Variants in DPYSL3 observed in about 807,000 individuals in gnomAD.
DPYSL3 encodes dihydropyrimidinase like 3, also known as dihydropyrimidinase-related protein 3.
A neutral mutation model predicts 66.1 loss-of-function variants in DPYSL3; 16 were observed. The ratio of observed to expected loss-of-function variants is 0.24; its 90% confidence interval spans 0.16 to 0.37. The LOEUF (loss-of-function observed/expected upper bound fraction) is 0.37. Among genes scored for constraint, DPYSL3 ranks in the 10% least tolerant of loss-of-function variants. The probability of loss-of-function intolerance (pLI) is 1.00; values close to 1 mark genes in which losing one functional copy is unlikely to be tolerated. For synonymous variants in DPYSL3, 338 were observed against 345.1 expected (o/e 0.98, Z 0.23); for missense variants, 738 against 916.2 (o/e 0.81, Z 2.51).
chr5:147,424,811 C>T, intron 2 of DPYSL3, 64 bp downstream of exon 2: 1 of 1,267,806 alleles, frequency 7.9e-7, no homozygotes, highest in Non-Finnish European at 1.1e-6. Context: ...ATCCAACCTC[C>T]TTTATGAGCC....
chr5:147,432,496 T>G (rs1022302615), intron 1 of DPYSL3, among the ~76,000 whole-genome samples: 1 of 152,188 alleles, frequency 6.6e-6, no homozygotes, highest in Non-Finnish European at 1.5e-5. Context: ...GATGGGGGAA[T>G]GGACTGTGGG....
Position 147,493,355 on chromosome 5 carries a change from T to C in DPYSL3, c.381+16123A>G, listed in dbSNP as rs183237983. Among the ~76,000 whole-genome samples the C allele has an allele frequency of 4.7e-3, 709 of 152,268 alleles. 3 individuals carry two copies. The highest frequency in any genetic ancestry group is 8.5e-3 in the Admixed American group (130 of 15,298). On this transcript the variant is annotated intron_variant, in intron 1 of 13. Coordinates refer to ENST00000343218, the MANE Select transcript of DPYSL3 (RefSeq NM_001197294.2). ...TGGGAGGTGGAAGCAGGGGAATCAT[T>C]TGAGTTTGAGAGTTTGAGACCAGCC...
At position 147,394,028 on chromosome 5, in the gene DPYSL3, G is replaced by A; in HGVS notation, c.*7C>T. ...TGCTTCTGCCCCTCTCTTTGAGGAA[G>A]GCTTGCTTAACTCAGAGATGTGATA... On this transcript the variant is annotated 3_prime_UTR_variant, in exon 14 of 14. Transcript: ENST00000343218. 6.2e-7 allele frequency: 1 copy of A among 1,614,022 alleles called. No homozygotes were observed. The highest frequency in any genetic ancestry group is 2.2e-5 in the East Asian group (1 of 44,872).
intron 1 of DPYSL3, among the ~76,000 whole-genome samples, chr5:147,503,539 T>C (rs936786200): frequency 1.3e-5 from 2 of 152,118 alleles, no homozygotes; most frequent in Non-Finnish European, 2.9e-5. Flanking sequence ...GCAATCCTTC[T>C]GCCTTGGCTC....
rs1168007659 is a variant in DPYSL3, at chr5:147,494,632, G to C, written c.381+14846C>G. 2.7e-5 allele frequency among the ~76,000 whole-genome samples: 4 copies of C among 150,126 alleles called. No homozygotes were observed. The East Asian group carries it at 7.9e-4, about 30-fold the overall frequency. On this transcript the variant is annotated intron_variant, in intron 1 of 13. Transcript: ENST00000343218. ...TGTAATCCCAGCACTTTGGGAGGCC[G>C]AGGCGGGCAGATCACGAGGTCAGGA...
At position 147,509,175 on chromosome 5, in the gene DPYSL3, C is replaced by T. The variant is rs534167676; in HGVS notation, c.381+303G>A. On this transcript the variant is annotated intron_variant, in intron 1 of 13. Transcript: ENST00000343218. The surrounding 1 kb of genome is among the most constrained non-coding windows in gnomAD (Gnocchi z 5.3). Reference sequence around the variant, plus strand: ...ATCACTAAGCCTTCCCGGGCTGACACACCCACCCAGACCGGATGGCCCAGG... The same window carrying T: ...ATCACTAAGCCTTCCCGGGCTGACATACCCACCCAGACCGGATGGCCCAGG... Among the ~76,000 whole-genome samples the T allele has an allele frequency of 1.5e-4, 23 of 152,354 alleles. No individual in the cohort carries two copies. The highest frequency in any genetic ancestry group is 1.4e-3 in the Admixed American group (21 of 15,310).
chr5:147,479,798 C>T (rs1753209875), intron 1 of DPYSL3, among the ~76,000 whole-genome samples: 1 of 152,118 alleles, frequency 6.6e-6, no homozygotes. Context: ...AAAACAGGCA[C>T]AGGCAGCAGA....
intron 1 of DPYSL3, among the ~76,000 whole-genome samples, chr5:147,487,368 G>A (rs1209839520): frequency 6.6e-6 from 1 of 152,134 alleles, no homozygotes; most frequent in Non-Finnish European, 1.5e-5. Flanking sequence ...CATCCTGAAA[G>A]GGGAACAAGT....
chr5:147,478,877 G>C (rs555580716), intron 1 of DPYSL3, among the ~76,000 whole-genome samples: 79 of 152,098 alleles, frequency 5.2e-4, no homozygotes, highest in Non-Finnish European at 9.4e-4. Context: ...TGTCAGCCTC[G>C]GGACACTGTC....
chr5:147,453,457 A>G (rs984512468), intron 1 of DPYSL3: 4 of 1,455,178 alleles, frequency 2.7e-6, no homozygotes, highest in South Asian at 2.8e-5. Context: ...GGACCAGGCC[A>G]GAGAAGCCGG....
In DPYSL3 at chr5:147,392,229, A is replaced by G. The variant is rs956153718; in HGVS notation, c.*1806T>C. The stretch of plus-strand genomic sequence containing the variant: ...CCTTTTACTACATCTCCCTTAAAAG[A>G]AAAGCACTACAAGAGCTTTAAAATA... On this transcript the variant is annotated 3_prime_UTR_variant, in exon 14 of 14. Coordinates refer to ENST00000343218, the MANE Select transcript of DPYSL3 (RefSeq NM_001197294.2). The G allele has an allele frequency of 2.0e-5, 3 of 152,246 alleles. No homozygotes were observed. The highest frequency in any genetic ancestry group is 7.2e-5 in the African/African-American group (3 of 41,462). The allele number at this position is 152,246 out of a possible 1,614,324, so 9.4% of individuals were successfully genotyped here. A position where few individuals can be genotyped will look rare whatever the true frequency, so the allele number is the denominator to read the frequency against.
intron 1 of DPYSL3, among the ~76,000 whole-genome samples, chr5:147,497,692 A>G (rs1490788823): frequency 1.4e-5 from 2 of 144,370 alleles, no homozygotes; most frequent in African/African-American, 5.3e-5. Flanking sequence ...GGCAAAATCC[A>G]ATATCCATTC....
intron 6 of DPYSL3, among the ~76,000 whole-genome samples, chr5:147,411,779 T>A (rs1751858696): frequency 6.6e-6 from 1 of 152,168 alleles, no homozygotes; most frequent in Non-Finnish European, 1.5e-5. Flanking sequence ...ACAGCCCAAG[T>A]ATTAGTGAGC....
chr5:147,402,678 C>T (rs960825274), intron 8 of DPYSL3, among the ~76,000 whole-genome samples: 1 of 151,880 alleles, frequency 6.6e-6, no homozygotes, highest in Non-Finnish European at 1.5e-5. Context: ...GTTTGTTACT[C>T]CTAACATGAT....
intron 1 of DPYSL3, among the ~76,000 whole-genome samples, chr5:147,479,334 T>A (rs777270670): frequency 2.6e-5 from 4 of 152,220 alleles, no homozygotes; most frequent in African/African-American, 4.8e-5. Flanking sequence ...ATTGCCGGGC[T>A]ATGCTGCTGA....
intron 1 of DPYSL3, among the ~76,000 whole-genome samples, chr5:147,433,012 C>T (rs1040246616): frequency 2.6e-5 from 4 of 152,086 alleles, no homozygotes; most frequent in African/African-American, 7.2e-5. Context: ...TAGTAGTAAA[C>T]GGAGACTTTT....
chr5:147,407,220 C>T (rs1392761483), intron 7 of DPYSL3, among the ~76,000 whole-genome samples: 1 of 152,162 alleles, frequency 6.6e-6, no homozygotes, highest in Non-Finnish European at 1.5e-5. Context: ...CCAAGCACTA[C>T]AGGTTTTTCA....
intron 1 of DPYSL3, among the ~76,000 whole-genome samples, chr5:147,502,525 A>T (rs1044698608): frequency 1.3e-5 from 2 of 150,902 alleles, no homozygotes; most frequent in Non-Finnish European, 2.9e-5. Context: ...AATTTTTCCA[A>T]CATTTGTTTT....
At chr5:147,453,983 C>CT (rs77634681) in intron 1 of DPYSL3, 2,538 of 164,108 alleles carry the variant, frequency 0.015, 15 homozygotes, top group African/African-American at 0.02. Flanking sequence ...CTTTTTCTTT[C>CT]TTTTTTTTTT....
Sources: gnomAD v4.1 joint callset for allele counts (sites outside exome capture counted in the v4.1 genomes callset) on GRCh38, gnomAD v4.1.1 for gene constraint, Gnocchi (gnomAD v3.1) non-coding constraint, MANE v1.5 for transcripts, NCBI Gene and HGNC (gene_info 2026-07-23, HGNC 2026-07-21) for gene names.